LRATD2: variants seen among roughly 807,000 people sequenced by gnomAD.
LRATD2 encodes LRAT domain containing 2, also known as protein LRATD2.
LRATD2 carries 10 observed loss-of-function variants against 12.0 expected under a neutral mutation model. The observed-to-expected ratio is 0.83, with a 90% confidence interval of 0.51 to 1.41. The LOEUF (loss-of-function observed/expected upper bound fraction) is 1.41, where lower values mean the gene tolerates loss of function less well. LRATD2 is among the 40% of genes most tolerant of loss of function. The probability of loss-of-function intolerance (pLI) is 0.00; values close to 1 mark genes in which losing one functional copy is unlikely to be tolerated. For missense variants in LRATD2, 455 were observed against 446.1 expected (o/e 1.02, Z -0.18); for synonymous variants, 220 against 205.8 (o/e 1.07, Z -0.59).
chr8:126,556,548 C>T lies in LRATD2; in HGVS notation c.842G>A (p.Gly281Asp), dbSNP rs746597425. The change falls in exon 2 of 2, where the codon GGC becomes GAC. Residue 281 changes from glycine (G) to aspartate (D), a missense_variant. Gly to Asp is a moderately conservative substitution (Grantham distance 94). Coordinates refer to ENST00000304916, the MANE Select transcript of LRATD2 (RefSeq NM_174911.5). This position sits in a 1 kb window ranked among gnomAD's most constrained non-coding sequence, Gnocchi z 5.6. ...THLHPAEPEE[G>D]DSNVARTTPP... is the part of the protein sequence containing the mutation. ...CGTAGTCCGCGCCACGTTGCTGTCG[C>T]CCTCCTCCGGCTCCGCCGGGTGCAG... 6 of 1,605,254 alleles carry T rather than the reference C, an allele frequency of 3.7e-6. No homozygotes were observed. The highest frequency in any genetic ancestry group is 4.2e-6 in the Non-Finnish European group (5 of 1,176,696).
In LRATD2 at chr8:126,554,732, G is replaced by A. The variant is rs1041320280; in HGVS notation, c.*1725C>T. 7.2e-5 allele frequency: 11 copies of A among 152,186 alleles called. No individual in the cohort carries two copies. The highest frequency in any genetic ancestry group is 2.6e-4 in the African/African-American group (11 of 41,516). 9.4% of individuals were successfully genotyped at this position (152,186 alleles called of 1,614,324 possible). A position where few individuals can be genotyped will look rare whatever the true frequency, so the allele number is the denominator to read the frequency against. ...TAACTTAGAGATCTCCAGGCAACAG[G>A]CCTGACGATAGCCATGGCTGTACCA... On this transcript the variant is annotated 3_prime_UTR_variant, in exon 2 of 2. Transcript: ENST00000304916.
chr8:126,557,521 G>A lies in LRATD2; in HGVS notation c.-96-36C>T. 4.0e-6 allele frequency: 4 copies of A among 1,002,230 alleles called. No individual in the cohort carries two copies. The highest frequency in any genetic ancestry group is 3.0e-5 in the Admixed American group (1 of 33,850). 62.1% of individuals were successfully genotyped at this position (1,002,230 alleles called of 1,614,324 possible). On this transcript the variant is annotated intron_variant, in intron 1 of 1. Transcript: ENST00000304916. This position sits in a 1 kb window ranked among gnomAD's most constrained non-coding sequence, Gnocchi z 5.3. ...AGGAAGGCAAGAAAGCCATGCAGGA[G>A]CCCCTCCGTGAAAAGGGCGTTTTGT...
chr8:126,557,539 C>A lies in LRATD2; in HGVS notation c.-96-54G>T. 2 of 825,984 alleles carry A rather than the reference C, an allele frequency of 2.4e-6. No individual in the cohort carries two copies. The highest frequency in any genetic ancestry group is 3.8e-6 in the Non-Finnish European group (2 of 533,278). 51.2% of individuals were successfully genotyped at this position (825,984 alleles called of 1,614,324 possible). On this transcript the variant is annotated intron_variant, in intron 1 of 1. Coordinates refer to ENST00000304916, the MANE Select transcript of LRATD2 (RefSeq NM_174911.5). This position sits in a 1 kb window ranked among gnomAD's most constrained non-coding sequence, Gnocchi z 5.3. ...TGCAGGAGCCCCTCCGTGAAAAGGG[C>A]GTTTTGTTCCGAAAAAGAATCGGTG...
chr8:126,557,072 G>A lies in LRATD2; in HGVS notation c.318C>T (p.Thr106=). 2 of 1,609,802 alleles carry A rather than the reference G, an allele frequency of 1.2e-6. No homozygotes were observed. Among genetic ancestry groups the A allele is most frequent in the Non-Finnish European group, 1.7e-6 (2 of 1,180,000 alleles). The change falls in exon 2 of 2, where the codon ACC becomes ACT. Residue 106 remains threonine, a synonymous_variant. Transcript: ENST00000304916. The surrounding 1 kb of genome is among the most constrained non-coding windows in gnomAD (Gnocchi z 5.3). ...TGTTGAGCAGGTTCTCGGGCGTGTA[G>A]GTACTCAGCGCCGCCGAGCCCGGCG... ...SFAPGSAALS[T]YTPENLLNKC... is the part of the protein sequence containing the mutation.
chr8:126,557,413 C>G lies in LRATD2; in HGVS notation c.-24G>C. On this transcript the variant is annotated 5_prime_UTR_variant, in exon 2 of 2. Transcript: ENST00000304916. This position sits in a 1 kb window ranked among gnomAD's most constrained non-coding sequence, Gnocchi z 5.3. ...ATCACGCTGCGGACACACGTTCACA[C>G]CGCCGCAAGGGGAGAAAGCGAAACC... 6.2e-7 allele frequency: 1 copy of G among 1,608,130 alleles called. No individual in the cohort carries two copies. The highest frequency in any genetic ancestry group is 8.5e-7 in the Non-Finnish European group (1 of 1,178,526).
chr8:126,557,266 C>T lies in LRATD2; in HGVS notation c.124G>A (p.Asp42Asn), dbSNP rs960494279. ...GGCGGCTGCGGCTCCACGTCCTCATCGTCATTGGAGAAAATGTAGGAGACC... is the reference window on the plus strand; with the variant it reads ...GGCGGCTGCGGCTCCACGTCCTCATTGTCATTGGAGAAAATGTAGGAGACC... The part of the protein sequence containing the change: ...IGVSYIFSND[D>N]EDVEPQPPPQ... Residue 42 changes from aspartate (D) to asparagine (N), a missense_variant, in exon 2 of 2, where the codon GAT becomes AAT. Asp to Asn is a conservative substitution (Grantham distance 23). Transcript: ENST00000304916. The surrounding 1 kb of genome is among the most constrained non-coding windows in gnomAD (Gnocchi z 5.3). 3 of 1,611,020 alleles carry T rather than the reference C, an allele frequency of 1.9e-6. No homozygotes were observed. The highest frequency in any genetic ancestry group is 1.3e-5 in the African/African-American group (1 of 74,884).
At position 126,557,354 on chromosome 8, in the gene LRATD2, A is replaced by G; in HGVS notation, c.36T>C (p.Ser12=). 1 of 1,613,602 alleles carries G rather than the reference A, an allele frequency of 6.2e-7. No individual in the cohort carries two copies. The highest frequency in any genetic ancestry group is 8.5e-7 in the Non-Finnish European group (1 of 1,179,932). The change falls in exon 2 of 2, where the codon AGT becomes AGC. Residue 12 remains serine, a synonymous_variant. Transcript: ENST00000304916. The surrounding 1 kb of genome is among the most constrained non-coding windows in gnomAD (Gnocchi z 5.3). ...GNQVEKLTHL[S]YKEVPTADPT... is the part of the protein sequence containing the mutation. ...GGTCGGCCGTGGGAACTTCCTTGTA[A>G]CTTAGGTGGGTCAATTTCTCCACCT...
Position 126,554,482 on chromosome 8 carries a change from A to G in LRATD2, c.*1975T>C, listed in dbSNP as rs575822932. The G allele has an allele frequency of 6.6e-6, 1 of 152,368 alleles. No individual in the cohort carries two copies. Among genetic ancestry groups the G allele is most frequent in the African/African-American group, 2.4e-5 (1 of 41,596 alleles). The allele number at this position is 152,368 out of a possible 1,614,324, so 9.4% of individuals were successfully genotyped here. A position where few individuals can be genotyped will look rare whatever the true frequency, so the allele number is the denominator to read the frequency against. ...TATGGACACTAGATTTACATTTCCAACAAGAAATTCATCTCCCTCCAAAGT... is the reference window on the plus strand; with the variant it reads ...TATGGACACTAGATTTACATTTCCAGCAAGAAATTCATCTCCCTCCAAAGT... On this transcript the variant is annotated 3_prime_UTR_variant, in exon 2 of 2. Coordinates refer to ENST00000304916, the MANE Select transcript of LRATD2 (RefSeq NM_174911.5).
rs1451055167 is a variant in LRATD2 at position 126,556,006 on chromosome 8, T to A, written c.*451A>T. Reference sequence around the variant, plus strand: ...CAAAGCAGACAAGCAGCTTTCGTGCTGGTCCCGCAGTGGCGACTCCACAAA... The same window carrying A: ...CAAAGCAGACAAGCAGCTTTCGTGCAGGTCCCGCAGTGGCGACTCCACAAA... On this transcript the variant is annotated 3_prime_UTR_variant, in exon 2 of 2. Coordinates refer to ENST00000304916, the MANE Select transcript of LRATD2 (RefSeq NM_174911.5). This position sits in a 1 kb window ranked among gnomAD's most constrained non-coding sequence, Gnocchi z 5.6. 1.2e-5 allele frequency: 2 copies of A among 168,436 alleles called. No individual in the cohort carries two copies. The highest frequency in any genetic ancestry group is 2.5e-5 in the Non-Finnish European group (2 of 79,322). The allele number at this position is 168,436 out of a possible 1,614,324, so 10.4% of individuals were successfully genotyped here.
Position 126,554,970 on chromosome 8 carries a change from G to A in LRATD2, c.*1487C>T, listed in dbSNP as rs1310198255. On this transcript the variant is annotated 3_prime_UTR_variant, in exon 2 of 2. Coordinates refer to ENST00000304916, the MANE Select transcript of LRATD2 (RefSeq NM_174911.5). ...GATGTCACAGGAGTTTAAGAGACAG[G>A]CTGGAAAAAATCTCATACTAAGCAA... 1 of 152,132 alleles carries A rather than the reference G, an allele frequency of 6.6e-6. No homozygotes were observed. The highest frequency in any genetic ancestry group is 1.5e-5 in the Non-Finnish European group (1 of 68,034). 9.4% of individuals were successfully genotyped at this position (152,132 alleles called of 1,614,324 possible). A position where few individuals can be genotyped will look rare whatever the true frequency, so the allele number is the denominator to read the frequency against.
At position 126,555,516 on chromosome 8, in the gene LRATD2, T is replaced by C. The variant is rs1817367841; in HGVS notation, c.*941A>G. On this transcript the variant is annotated 3_prime_UTR_variant, in exon 2 of 2. Coordinates refer to ENST00000304916, the MANE Select transcript of LRATD2 (RefSeq NM_174911.5). ...ATGGAGTGGCACAGCCAACCCTATC[T>C]GTGACCTGCCCTGCGGATAAACACA... 1 of 152,636 alleles carries C rather than the reference T, an allele frequency of 6.6e-6. No homozygotes were observed. The highest frequency in any genetic ancestry group is 2.4e-5 in the African/African-American group (1 of 41,458). 9.5% of individuals were successfully genotyped at this position (152,636 alleles called of 1,614,324 possible). A position where few individuals can be genotyped will look rare whatever the true frequency, so the allele number is the denominator to read the frequency against.
chr8:126,556,419 A>T lies in LRATD2; in HGVS notation c.*38T>A. ...AAAGGGAGCAGCGGCTGCTACTGCA[A>T]ACAGTTCCCCTTCGCAGCTCTGCGC... On this transcript the variant is annotated 3_prime_UTR_variant, in exon 2 of 2. Transcript: ENST00000304916. This position sits in a 1 kb window ranked among gnomAD's most constrained non-coding sequence, Gnocchi z 5.6. 1 of 1,512,862 alleles carries T rather than the reference A, an allele frequency of 6.6e-7. No homozygotes were observed. The highest frequency in any genetic ancestry group is 8.8e-7 in the Non-Finnish European group (1 of 1,135,592). 93.7% of individuals were successfully genotyped at this position (1,512,862 alleles called of 1,614,324 possible). A position where few individuals can be genotyped will look rare whatever the true frequency, so the allele number is the denominator to read the frequency against.
In LRATD2 at chr8:126,557,019, A is replaced by C. The variant is rs1202246305; in HGVS notation, c.371T>G (p.Phe124Cys). The stretch of plus-strand genomic sequence containing the variant: ...GTGCGGGTACTGAGCCTGCGACACG[A>C]ACTCCACCAGATCGCCCGGCTTGCA... Reference protein sequence around the residue: ...NKCKPGDLVEFVSQAQYPHWA... With the variant: ...NKCKPGDLVECVSQAQYPHWA... The change falls in exon 2 of 2, where the codon TTC (phenylalanine) becomes TGC (cysteine). Residue 124 changes from phenylalanine (F) to cysteine (C), a missense_variant. Phe to Cys is a radical substitution (Grantham distance 205, BLOSUM62 -2). Coordinates refer to ENST00000304916, the MANE Select transcript of LRATD2 (RefSeq NM_174911.5). This position sits in a 1 kb window ranked among gnomAD's most constrained non-coding sequence, Gnocchi z 5.3. The C allele has an allele frequency of 1.9e-6, 3 of 1,606,846 alleles. No homozygotes were observed.
chr8:126,556,742 C>A lies in LRATD2; in HGVS notation c.648G>T (p.Lys216Asn). ...AWCRYGKREFKIGGELRIGKQ... is the reference protein window; with the variant it reads ...AWCRYGKREFNIGGELRIGKQ... ...TGCCGATGCGCAGCTCGCCGCCGAT[C>A]TTGAACTCGCGCTTGCCGTAGCGGC... Residue 216 changes from lysine (K) to asparagine (N), a missense_variant, in exon 2 of 2, where the codon AAG becomes AAT. Physicochemically the swap from Lys to Asn is moderately conservative, Grantham distance 94. Transcript: ENST00000304916. This position sits in a 1 kb window ranked among gnomAD's most constrained non-coding sequence, Gnocchi z 5.6. The A allele has an allele frequency of 6.2e-7, 1 of 1,602,860 alleles. No homozygotes were observed. Among genetic ancestry groups the A allele is most frequent in the South Asian group, 1.1e-5 (1 of 90,170 alleles).
In LRATD2 at chr8:126,556,628, C is replaced by T; in HGVS notation, c.762G>A (p.Lys254=). Residue 254 remains lysine, a synonymous_variant, in exon 2 of 2, where the codon AAG becomes AAA. Transcript: ENST00000304916. This position sits in a 1 kb window ranked among gnomAD's most constrained non-coding sequence, Gnocchi z 5.6. ...CGCGCCCGATCTGGTCGTTGCGTCG[C>T]TTCTCCATGATCAGGTCCTCTAGAC... ...FQSLEDLIME[K]RRNDQIGRAA... is the part of the protein sequence containing the mutation. The T allele has an allele frequency of 1.2e-6, 2 of 1,611,418 alleles. No homozygotes were observed. The highest frequency in any genetic ancestry group is 1.7e-6 in the Non-Finnish European group (2 of 1,179,038).
chr8:126,557,752 T>G lies in LRATD2; in HGVS notation c.-96-267A>C. The G allele has an allele frequency of 4.4e-6, 1 of 227,176 alleles. No individual in the cohort carries two copies. Among genetic ancestry groups the G allele is most frequent in the Non-Finnish European group, 8.5e-6 (1 of 117,756 alleles). The allele number at this position is 227,176 out of a possible 1,614,324, so 14.1% of individuals were successfully genotyped here. On this transcript the variant is annotated intron_variant, in intron 1 of 1. Transcript: ENST00000304916. The surrounding 1 kb of genome is among the most constrained non-coding windows in gnomAD (Gnocchi z 5.3). Reference sequence around the variant, plus strand: ...GCTTCTACTGCTTCCGCCTGCGCCCTACCTGCCAAGCTTGGGCAGGAAGAG... The same window carrying G: ...GCTTCTACTGCTTCCGCCTGCGCCCGACCTGCCAAGCTTGGGCAGGAAGAG...
In LRATD2 at chr8:126,556,477, C is replaced by T. The variant is rs1213160308; in HGVS notation, c.913G>A (p.Gly305Arg). 1 of 1,582,266 alleles carries T rather than the reference C, an allele frequency of 6.3e-7. No homozygotes were observed. The highest frequency in any genetic ancestry group is 2.3e-5 in the East Asian group (1 of 43,804). The change falls in exon 2 of 2, where the codon GGA becomes AGA. Residue 305 changes from glycine to arginine, a missense_variant. By Grantham distance (125) the Gly-to-Arg change is moderately radical. Transcript: ENST00000304916. The surrounding 1 kb of genome is among the most constrained non-coding windows in gnomAD (Gnocchi z 5.6). ...PPAPSSEEED[G>R]EAVAH ...GCCCATCAGTGTGCCACTGCCTCTC[C>T]GTCCTCCTCCTCGGAGCTGGGCGCA...
In LRATD2 at chr8:126,557,123, GT is replaced by G. The variant is rs756564888; in HGVS notation, c.266del (p.Asp89AlafsTer16). On this transcript the variant is annotated frameshift_variant, in exon 2 of 2. Transcript: ENST00000304916. LOFTEE classifies it high-confidence loss of function. The surrounding 1 kb of genome is among the most constrained non-coding windows in gnomAD (Gnocchi z 5.3). ...CGAAGCTCTTCTGGTAGATGCATTC[GT>G]CCCGGTAGAACACGGAGCATTCCAC... ...HEVECSVFYR[D>X]ECIYQKSFAP... 4 of 1,612,474 alleles carry G rather than the reference GT, an allele frequency of 2.5e-6. No homozygotes were observed.
rs1485066677 is a variant in LRATD2, at chr8:126,556,652, A to C, written c.738T>G (p.Ser246Arg). 1.2e-6 allele frequency: 2 copies of C among 1,611,738 alleles called. No homozygotes were observed. The highest frequency in any genetic ancestry group is 1.7e-6 in the Non-Finnish European group (2 of 1,179,422). ...AQRSHTLEFQ[S>R]LEDLIMEKRR... is the part of the protein sequence containing the mutation. ...GCTTCTCCATGATCAGGTCCTCTAG[A>C]CTCTGGAACTCGAGCGTGTGGCTGC... The change falls in exon 2 of 2, where the codon AGT becomes AGG. Residue 246 changes from serine (S) to arginine (R), a missense_variant. Transcript: ENST00000304916. The surrounding 1 kb of genome is among the most constrained non-coding windows in gnomAD (Gnocchi z 5.6).
Sources: gnomAD v4.1 joint callset for allele counts on GRCh38, gnomAD v4.1.1 for gene constraint, Gnocchi (gnomAD v3.1) non-coding constraint, MANE v1.5 for transcripts, NCBI Gene and HGNC (gene_info 2026-07-23, HGNC 2026-07-21) for gene names.